DSCAM: variants seen among roughly 807,000 people sequenced by gnomAD.
The protein encoded by DSCAM is DS cell adhesion molecule.
In DSCAM, 47 loss-of-function variants were observed where a neutral mutation model predicts 217.7. The observed-to-expected ratio is 0.22, with a 90% confidence interval of 0.17 to 0.28. DSCAM has a LOEUF of 0.28. DSCAM is among the 10% of genes least tolerant of loss of function. DSCAM has a pLI of 1.00. For missense variants in DSCAM, 2,080 were observed against 2,618.3 expected, an observed-to-expected ratio of 0.79 and a Z score of 4.49; for synonymous variants, 1,056 against 1,015.3, an observed-to-expected ratio of 1.04 and a Z score of -0.76.
Position 40,410,907 on chromosome 21 carries a change from G to A in DSCAM, c.509-41662C>T, listed in dbSNP as rs77866297. On this transcript the variant is annotated intron_variant, in intron 3 of 32. Transcript: ENST00000400454. ...AAAGAACATCAGAAAAAATTCAACC[G>A]ATGTAAACAAGTGAGGAGCATGAGA... Among the ~76,000 whole-genome samples, 1,201 of 152,208 alleles carry A rather than the reference G, an allele frequency of 7.9e-3. 10 individuals carry two copies. The highest frequency in any genetic ancestry group is 0.037 in the Middle Eastern group (11 of 294).
intron 3 of DSCAM, among the ~76,000 whole-genome samples, chr21:40,612,232 CCT>C (rs992840619): frequency 3.3e-5 from 5 of 152,094 alleles, no homozygotes; most frequent in African/African-American, 1.2e-4. Context: ...ATTTAATTCC[CCT>C]CTCTCTTTGA....
chr21:40,742,621 C>G (rs2091135251), intron 1 of DSCAM, among the ~76,000 whole-genome samples: 1 of 152,172 alleles, frequency 6.6e-6, no homozygotes. Context: ...TACATATACA[C>G]AAATAAAGAA....
intron 3 of DSCAM, among the ~76,000 whole-genome samples, chr21:40,424,488 G>C (rs377383176): frequency 6.6e-6 from 1 of 152,188 alleles, no homozygotes; most frequent in African/African-American, 2.4e-5. Context: ...GCCAGCGCCA[G>C]GTGCCGCAGG....
intron 3 of DSCAM, among the ~76,000 whole-genome samples, chr21:40,627,941 G>A (rs1027194854): frequency 6.6e-6 from 1 of 152,190 alleles, no homozygotes; most frequent in African/African-American, 2.4e-5. Flanking sequence ...CTGCTGGGAA[G>A]GGTAGAAGGA....
chr21:40,374,652 T>C (rs1230404391), intron 3 of DSCAM, among the ~76,000 whole-genome samples: 3 of 152,184 alleles, frequency 2.0e-5, no homozygotes, highest in Non-Finnish European at 4.4e-5. Context: ...CTGCACAAAA[T>C]TTATATGATG....
Position 40,353,714 on chromosome 21 carries a change from C to G in DSCAM, c.685G>C (p.Asp229His), listed in dbSNP as rs763345495. 3.8e-6 allele frequency: 6 copies of G among 1,586,896 alleles called. No individual in the cohort carries two copies. The highest frequency in any genetic ancestry group is 4.3e-6 in the Non-Finnish European group (5 of 1,171,224). The change falls in exon 5 of 33, where the codon GAT (aspartate) becomes CAT (histidine). Residue 229 changes from aspartate (D) to histidine (H), a missense_variant. Transcript: ENST00000400454. ...DPANSAPSIL[D>H]GFDHRKAMAG... ...ATGGCTTTGCGATGGTCAAACCCAT[C>G]CAGTATGGATGGGGCTGAGTTCGCT...
Position 40,800,531 on chromosome 21 carries a change from A to C in DSCAM, c.43+46088T>G, listed in dbSNP as rs142624981. On this transcript the variant is annotated intron_variant, in intron 1 of 32. Transcript: ENST00000400454. ...ATGGCCAGTAAAGGCCATTCTGATGAGATCTCAGATAGAACTGAAAAACAA... is the reference window on the plus strand; with the variant it reads ...ATGGCCAGTAAAGGCCATTCTGATGCGATCTCAGATAGAACTGAAAAACAA... 6.7e-4 allele frequency among the ~76,000 whole-genome samples: 102 copies of C among 152,306 alleles called. 1 individual carries two copies. The East Asian group carries it at 0.02, about 29-fold the overall frequency.
chr21:40,682,813 G>A lies in DSCAM; in HGVS notation c.508+9997C>T, dbSNP rs1568982373. ...GGGGAGGGAAGGGAAGGGAAGGGAA[G>A]GGAAGGGAAGGGAAGGGAAGGGAAG... On this transcript the variant is annotated intron_variant, in intron 3 of 32. Coordinates refer to ENST00000400454, the MANE Select transcript of DSCAM (RefSeq NM_001389.5). Among the ~76,000 whole-genome samples, 49 of 21,558 alleles carry A rather than the reference G, an allele frequency of 2.3e-3. 8 individuals are homozygous for A. The highest frequency in any genetic ancestry group is 4.0e-3 in the Admixed American group (7 of 1,748). 14.1% of individuals were successfully genotyped at this position (21,558 alleles called of 152,430 possible). A position where few individuals can be genotyped will look rare whatever the true frequency, so the allele number is the denominator to read the frequency against.
intron 20 of DSCAM, among the ~76,000 whole-genome samples, chr21:40,119,060 T>C (rs576943388): frequency 6.6e-6 from 1 of 152,162 alleles, no homozygotes; most frequent in Non-Finnish European, 1.5e-5. Flanking sequence ...GGAGTGAAGA[T>C]AGCATGGCAT....
At chr21:40,421,895 C>T (rs911468515) in intron 3 of DSCAM, among the ~76,000 whole-genome samples, 1 of 152,206 alleles carries the variant, frequency 6.6e-6, no homozygotes, top group Admixed American at 6.5e-5. Context: ...ACAGAGCCAA[C>T]CTTGAGAAAT....
intron 1 of DSCAM, among the ~76,000 whole-genome samples, chr21:40,803,810 C>T (rs1054453083): frequency 3.3e-5 from 5 of 152,014 alleles, no homozygotes; most frequent in African/African-American, 7.3e-5. Flanking sequence ...GTGTCTGGAC[C>T]GTTGAGTGTT....
chr21:40,094,909 C>T (rs759286746), intron 20 of DSCAM, among the ~76,000 whole-genome samples: 1 of 152,144 alleles, frequency 6.6e-6, no homozygotes, highest in African/African-American at 2.4e-5. Context: ...TAAAATATTT[C>T]CACAAACAAA....
In DSCAM at chr21:40,156,784, A is replaced by G. The variant is rs557353694; in HGVS notation, c.3018+10434T>C. 3.9e-5 allele frequency among the ~76,000 whole-genome samples: 6 copies of G among 152,308 alleles called. No homozygotes were observed. In the South Asian group the frequency reaches 1.2e-3, roughly 32 times the overall value. ...AAGACGAGATGAGGAACTTATTGGGAACTGGAGCAAAGGTCACTTCTGTTA... is the reference window on the plus strand; with the variant it reads ...AAGACGAGATGAGGAACTTATTGGGGACTGGAGCAAAGGTCACTTCTGTTA... On this transcript the variant is annotated intron_variant, in intron 16 of 32. Transcript: ENST00000400454.
chr21:40,237,376 T>G (rs192385000), intron 11 of DSCAM, among the ~76,000 whole-genome samples: 30 of 152,224 alleles, frequency 2.0e-4, no homozygotes, highest in Non-Finnish European at 2.9e-4. Flanking sequence ...GCCCCCACCC[T>G]CTGACAGGCC....
chr21:40,445,680 A>C (rs1473004179), intron 3 of DSCAM, among the ~76,000 whole-genome samples: 1 of 152,194 alleles, frequency 6.6e-6, no homozygotes, highest in African/African-American at 2.4e-5. Context: ...TAGGATTTAG[A>C]ATTAAGGTTG....
intron 11 of DSCAM, among the ~76,000 whole-genome samples, chr21:40,191,028 A>C (rs540945609): frequency 3.3e-5 from 5 of 152,330 alleles, no homozygotes; most frequent in Non-Finnish European, 7.4e-5. Flanking sequence ...CACAGGAAGA[A>C]GCTCCCTTCC....
intron 3 of DSCAM, among the ~76,000 whole-genome samples, chr21:40,535,284 T>C (rs906609996): frequency 2.6e-5 from 4 of 152,322 alleles, no homozygotes; most frequent in African/African-American, 9.6e-5. Context: ...TATTATAACA[T>C]ATAATAACTT....
At chr21:40,214,638 G>A (rs2146888956) in intron 11 of DSCAM, among the ~76,000 whole-genome samples, 1 of 151,216 alleles carries the variant, frequency 6.6e-6, no homozygotes, top group East Asian at 2.0e-4. Context: ...ATAGACTACA[G>A]GTAAAGGGTG....
At chr21:40,350,877 CTTTTTTT>C (rs10658416) in intron 5 of DSCAM, among the ~76,000 whole-genome samples, 2 of 63,876 alleles carry the variant, frequency 3.1e-5, no homozygotes, top group East Asian at 6.1e-4. Context: ...ATAAGTCATA[CTTTTTTT>C]TTTTTTTTTT....
Sources: gnomAD v4.1 joint callset for allele counts (sites outside exome capture counted in the v4.1 genomes callset) on GRCh38, gnomAD v4.1.1 for gene constraint, MANE v1.5 for transcripts, NCBI Gene and HGNC (gene_info 2026-07-23, HGNC 2026-07-21) for gene names.